The following KATNAL2 variants were observed in gnomAD, a reference collection of about 807,000 sequenced individuals.
The protein encoded by KATNAL2 is katanin p60 ATPase-containing subunit A-like 2.
KATNAL2 carries 52 observed loss-of-function variants against 76.3 expected under a neutral mutation model. The observed-to-expected ratio is 0.68, with a 90% CI of 0.55 to 0.86. The LOEUF (loss-of-function observed/expected upper bound fraction) is 0.86, where lower values mean the gene tolerates loss of function less well. Among genes scored for constraint, KATNAL2 ranks in the 40% least tolerant of loss-of-function variants. The pLI, the probability that KATNAL2 is intolerant of heterozygous loss-of-function variation, is 0.00. For missense variants in KATNAL2, 660 were observed against 668.9 expected (o/e 0.99, Z 0.15); for synonymous variants, 243 against 244.2 (o/e 1.00, Z 0.05).
intron 1 of KATNAL2, chr18:46,919,983 A>G (rs758843866): frequency 2.7e-5 from 26 of 964,532 alleles, no homozygotes; most frequent in Non-Finnish European, 3.5e-5. Context: ...GCCACAGAGG[A>G]GCTTACACCC....
In KATNAL2 at chr18:47,034,282, C is replaced by G. The variant is rs749469146; in HGVS notation, c.52-12175C>G. The G allele has an allele frequency of 1.4e-5, 23 of 1,613,700 alleles. No homozygotes were observed. In the South Asian group the frequency reaches 2.3e-4, roughly 16 times the overall value. On this transcript the variant is annotated intron_variant, in intron 3 of 17. Coordinates refer to ENST00000683218, the MANE Select transcript of KATNAL2 (RefSeq NM_001387690.1). The stretch of plus-strand genomic sequence containing the variant: ...CTCCTCGGGCGACAGGCCGTGTGTC[C>G]CATTTCCTGGGTCCCGGCCGTCTAG...
chr18:47,101,007 AC>A lies in KATNAL2; in HGVS notation c.*4del, dbSNP rs771437089. 13 of 1,614,020 alleles carry A rather than the reference AC, an allele frequency of 8.1e-6. No homozygotes were observed. The highest frequency in any genetic ancestry group is 8.5e-6 in the Non-Finnish European group (10 of 1,179,980). On this transcript the variant is annotated 3_prime_UTR_variant, in exon 18 of 18. Coordinates refer to ENST00000683218, the MANE Select transcript of KATNAL2 (RefSeq NM_001387690.1). ...CAAAGAGAGTTCGAGTCTGTCTGAA[AC>A]CACATTTACCCTGACCTGGCCACAA...
intron 1 of KATNAL2, among the ~76,000 whole-genome samples, chr18:46,931,892 C>A (rs2058934461): frequency 6.6e-6 from 1 of 150,422 alleles, no homozygotes; most frequent in Non-Finnish European, 1.5e-5. Context: ...CAAGAATTTT[C>A]TTTTTTTTTC....
chr18:47,095,280 G>A (rs1263017783), intron 15 of KATNAL2, among the ~76,000 whole-genome samples: 2 of 152,210 alleles, frequency 1.3e-5, no homozygotes, highest in Non-Finnish European at 2.9e-5. Flanking sequence ...ACAATGAAGT[G>A]TAATATGGTT....
chr18:46,926,066 T>A (rs899763171), intron 1 of KATNAL2, among the ~76,000 whole-genome samples: 1 of 152,196 alleles, frequency 6.6e-6, no homozygotes, highest in African/African-American at 2.4e-5. Context: ...TTGAAGGGTT[T>A]TTTGTGTCTC....
At position 47,033,940 on chromosome 18, in the gene KATNAL2, T is replaced by A. The variant is rs372224796; in HGVS notation, c.52-12517T>A. Reference sequence around the variant, plus strand: ...CCCGGCGGAATCAGCGCCGGCCGCCTGCAGCCTCTCTGACTGGCTTTCCTG... The same window carrying A: ...CCCGGCGGAATCAGCGCCGGCCGCCAGCAGCCTCTCTGACTGGCTTTCCTG... On this transcript the variant is annotated intron_variant, in intron 3 of 17. Transcript: ENST00000683218. 1.9e-5 allele frequency: 30 copies of A among 1,612,876 alleles called. No individual in the cohort carries two copies. In the African/African-American group the frequency reaches 3.7e-4, roughly 20 times the overall value.
chr18:47,045,873 C>T (rs539761348), intron 3 of KATNAL2, among the ~76,000 whole-genome samples: 8 of 152,290 alleles, frequency 5.3e-5, no homozygotes, highest in African/African-American at 1.7e-4. Context: ...AATAAGTGCA[C>T]GGATTCATCC....
intron 1 of KATNAL2, among the ~76,000 whole-genome samples, chr18:46,933,786 C>T (rs2059006414): frequency 1.1e-5 from 1 of 94,278 alleles, no homozygotes; most frequent in South Asian, 5.8e-4. Flanking sequence ...GGCTATCCCT[C>T]CCCCCTCCCC....
intron 3 of KATNAL2, among the ~76,000 whole-genome samples, chr18:47,041,716 C>A (rs2060971018): frequency 6.6e-6 from 1 of 152,144 alleles, no homozygotes; most frequent in African/African-American, 2.4e-5. Flanking sequence ...TGGGTAAATA[C>A]CAAGGGTTGC....
At chr18:46,947,869 T>C (rs2059426874) in intron 3 of KATNAL2, among the ~76,000 whole-genome samples, 1 of 152,174 alleles carries the variant, frequency 6.6e-6, no homozygotes, top group Non-Finnish European at 1.5e-5. Flanking sequence ...GCTACACATG[T>C]TGTTGCTAAT....
chr18:47,066,348 A>G (rs1373274212), intron 10 of KATNAL2, among the ~76,000 whole-genome samples: 1 of 152,168 alleles, frequency 6.6e-6, no homozygotes, highest in African/African-American at 2.4e-5. Context: ...ATTAGTTATC[A>G]GTAAAAGCTA....
chr18:47,033,339 G>C, intron 3 of KATNAL2: 1 of 1,613,944 alleles, frequency 6.2e-7, no homozygotes, highest in South Asian at 1.1e-5. Context: ...ATTTGAAACA[G>C]ATCATCTTTG....
At chr18:47,094,777 C>T (rs556728413) in intron 15 of KATNAL2, among the ~76,000 whole-genome samples, 3 of 152,312 alleles carry the variant, frequency 2.0e-5, no homozygotes, top group African/African-American at 7.2e-5. Flanking sequence ...GTCGGTATCT[C>T]ATTGCTTCAG....
chr18:47,061,790 C>A (rs1011945053), intron 8 of KATNAL2, among the ~76,000 whole-genome samples: 1 of 152,136 alleles, frequency 6.6e-6, no homozygotes, highest in Admixed American at 6.5e-5. Context: ...CCCTTTAAGT[C>A]TCATGATGAA....
At chr18:46,918,320 G>C (rs982929617) in intron 1 of KATNAL2, among the ~76,000 whole-genome samples, 1 of 152,116 alleles carries the variant, frequency 6.6e-6, no homozygotes, top group Non-Finnish European at 1.5e-5. Context: ...ACCCACACAC[G>C]AGAGGTCTTT....
chr18:46,929,608 C>G (rs1333778326), intron 1 of KATNAL2, among the ~76,000 whole-genome samples: 4 of 152,108 alleles, frequency 2.6e-5, no homozygotes, highest in Non-Finnish European at 5.9e-5. Flanking sequence ...CTTATCCTTT[C>G]TCTTGCTGAT....
chr18:47,033,130 G>T, intron 3 of KATNAL2: 1 of 1,614,090 alleles, frequency 6.2e-7, no homozygotes, highest in Non-Finnish European at 8.5e-7. Flanking sequence ...GCTCAGGCAG[G>T]GGTTGGCCCG....
chr18:46,931,388 A>G (rs1029214746), intron 1 of KATNAL2, among the ~76,000 whole-genome samples: 3 of 152,074 alleles, frequency 2.0e-5, no homozygotes, highest in African/African-American at 7.2e-5. Context: ...GTGGTGGCTC[A>G]CACCTGTAAT....
At chr18:46,961,561 G>T (rs188466166) in intron 3 of KATNAL2, among the ~76,000 whole-genome samples, 8 of 152,308 alleles carry the variant, frequency 5.3e-5, no homozygotes, top group African/African-American at 9.6e-5. Flanking sequence ...TACAATGAGG[G>T]TTTTAAATTC....
Sources: allele counts gnomAD v4.1 joint callset (sites outside exome capture counted in the v4.1 genomes callset), GRCh38; gene constraint gnomAD v4.1.1; transcripts MANE v1.5; gene names NCBI Gene and HGNC (gene_info 2026-07-23, HGNC 2026-07-21).